TTC39C: variants seen among roughly 807,000 people sequenced by gnomAD.
TTC39C encodes the protein tetratricopeptide repeat domain 39C, also known as tetratricopeptide repeat protein 39C.
Under a neutral mutation model 76.3 loss-of-function variants are expected in TTC39C, and 33 were observed. That is an observed-to-expected ratio of 0.43 (90% CI 0.33 to 0.58). The LOEUF (loss-of-function observed/expected upper bound fraction) is 0.58, where lower values mean the gene tolerates loss of function less well. TTC39C is among the 20% of genes least tolerant of loss of function. TTC39C has a pLI of 0.04. For missense variants in TTC39C, 595 were observed against 701.4 expected, an observed-to-expected ratio of 0.85 and a Z score of 1.71; for synonymous variants, 254 against 260.6, an observed-to-expected ratio of 0.97 and a Z score of 0.24.
intron 3 of TTC39C, among the ~76,000 whole-genome samples, chr18:24,068,387 C>T (rs7233663): frequency 6.6e-6 from 1 of 152,148 alleles, no homozygotes; most frequent in African/African-American, 2.4e-5. Context: ...TCTGGCTTGT[C>T]TACTGTGTAT....
In TTC39C at chr18:24,113,113, G is replaced by A. The variant is rs560733657; in HGVS notation, c.985-1441G>A. Among the ~76,000 whole-genome samples the A allele has an allele frequency of 4.6e-5, 7 of 152,334 alleles. No homozygotes were observed. In the East Asian group the frequency reaches 5.8e-4, roughly 13 times the overall value. On this transcript the variant is annotated intron_variant, in intron 6 of 13. Coordinates refer to ENST00000317571, the MANE Select transcript of TTC39C (RefSeq NM_001135993.2). ...AACAGGAATCAGGGATGCGATTGGT[G>A]CGTGTCTTCTGTGGCTACCTGGTCA...
chr18:24,018,492 G>C (rs2083482148), intron 1 of TTC39C, among the ~76,000 whole-genome samples: 1 of 152,154 alleles, frequency 6.6e-6, no homozygotes, highest in South Asian at 2.1e-4. Context: ...AGGTGCCAAA[G>C]ACATGTGCTA....
At chr18:24,132,208 A>G (rs1242624475) in intron 13 of TTC39C, among the ~76,000 whole-genome samples, 2 of 152,264 alleles carry the variant, frequency 1.3e-5, no homozygotes, top group African/African-American at 4.8e-5. Context: ...AGAATTTCTA[A>G]TAGCAACTTA....
chr18:24,124,723 A>C (rs2085024960), intron 9 of TTC39C, among the ~76,000 whole-genome samples: 1 of 152,228 alleles, frequency 6.6e-6, no homozygotes, highest in Admixed American at 6.5e-5. Flanking sequence ...CACTCAGTAG[A>C]AAATTTTAAA....
intron 1 of TTC39C, among the ~76,000 whole-genome samples, chr18:24,052,266 C>T (rs1334282458): frequency 1.3e-5 from 2 of 152,160 alleles, no homozygotes; most frequent in Non-Finnish European, 2.9e-5. Flanking sequence ...AAGGGCTGTT[C>T]GGACTTTCTA....
chr18:24,080,150 T>C (rs2084359375), intron 4 of TTC39C, among the ~76,000 whole-genome samples: 1 of 152,146 alleles, frequency 6.6e-6, no homozygotes, highest in Non-Finnish European at 1.5e-5. Flanking sequence ...GAACTTGCTT[T>C]TGAGGAGGAA....
At chr18:24,118,328 A>G in intron 8 of TTC39C, 96 bp downstream of exon 8, 4 of 869,526 alleles carry the variant, frequency 4.6e-6, no homozygotes, top group Admixed American at 4.5e-5. Context: ...AGGAAGCAAA[A>G]GTTGTACCCC....
intron 1 of TTC39C, among the ~76,000 whole-genome samples, chr18:24,044,738 G>A (rs185629134): frequency 1.3e-5 from 2 of 152,326 alleles, no homozygotes; most frequent in African/African-American, 2.4e-5. Flanking sequence ...AACAGAGCAG[G>A]CCTTCAGCAA....
chr18:24,074,060 G>C (rs2084274018), intron 4 of TTC39C, among the ~76,000 whole-genome samples: 1 of 152,214 alleles, frequency 6.6e-6, no homozygotes, highest in Admixed American at 6.5e-5. Flanking sequence ...TGAATGAGAT[G>C]CACTTCATGC....
At chr18:24,065,125 T>C (rs1011439381) in intron 2 of TTC39C, among the ~76,000 whole-genome samples, 2 of 151,918 alleles carry the variant, frequency 1.3e-5, no homozygotes, top group Admixed American at 6.6e-5. Flanking sequence ...CACAGCAGGG[T>C]TGAGATTTCA....
At chr18:24,044,900 A>G (rs1638422536) in intron 1 of TTC39C, among the ~76,000 whole-genome samples, 1 of 152,210 alleles carries the variant, frequency 6.6e-6, no homozygotes, top group Non-Finnish European at 1.5e-5. Flanking sequence ...TGCTAACAGC[A>G]CCACTGAGAC....
At chr18:24,002,401 G>A (rs147155356) in intron 1 of TTC39C, among the ~76,000 whole-genome samples, 73 of 152,332 alleles carry the variant, frequency 4.8e-4, no homozygotes, top group Non-Finnish European at 9.4e-4. Flanking sequence ...GATCTCTAGT[G>A]ATGGTTACTT....
chr18:24,040,978 T>G (rs1457156301), intron 1 of TTC39C, among the ~76,000 whole-genome samples: 1 of 152,160 alleles, frequency 6.6e-6, no homozygotes, highest in African/African-American at 2.4e-5. Context: ...TAGTTTAAAA[T>G]GAAAGTGGCG....
chr18:24,055,340 A>G (rs1397452028), intron 1 of TTC39C, among the ~76,000 whole-genome samples: 1 of 152,178 alleles, frequency 6.6e-6, no homozygotes, highest in Non-Finnish European at 1.5e-5. Flanking sequence ...GCACCACCTT[A>G]TACTCCCACC....
In TTC39C at chr18:24,044,195, A is replaced by T. The variant is rs186819898; in HGVS notation, c.168-19945A>T. On this transcript the variant is annotated intron_variant, in intron 1 of 13. Coordinates refer to ENST00000317571, the MANE Select transcript of TTC39C (RefSeq NM_001135993.2). ...GTTACAGAGAGGACATCATGGAAAAAGTCAGACTCTTTCTAGGATTTGAAT... is the reference window on the plus strand; with the variant it reads ...GTTACAGAGAGGACATCATGGAAAATGTCAGACTCTTTCTAGGATTTGAAT... Among the ~76,000 whole-genome samples the T allele has an allele frequency of 1.6e-4, 24 of 152,174 alleles. No homozygotes were observed. In the East Asian group the frequency reaches 4.2e-3, roughly 27 times the overall value.
intron 6 of TTC39C, among the ~76,000 whole-genome samples, chr18:24,093,600 G>C (rs951308112): frequency 6.6e-6 from 1 of 152,060 alleles, no homozygotes; most frequent in Non-Finnish European, 1.5e-5. Context: ...AGATATACAG[G>C]CATACATCAG....
chr18:24,048,893 T>G (rs2083917272), intron 1 of TTC39C, among the ~76,000 whole-genome samples: 1 of 152,234 alleles, frequency 6.6e-6, no homozygotes, highest in Non-Finnish European at 1.5e-5. Context: ...ATATATTCTT[T>G]GAAACACTGT....
At chr18:24,091,093 C>T (rs368581868) in intron 6 of TTC39C, among the ~76,000 whole-genome samples, 7 of 152,260 alleles carry the variant, frequency 4.6e-5, no homozygotes, top group African/African-American at 1.4e-4. Flanking sequence ...AGGCGTAAGC[C>T]GCCACGCCCG....
At chr18:24,036,745 C>T (rs905676812) in intron 1 of TTC39C, among the ~76,000 whole-genome samples, 20 of 152,188 alleles carry the variant, frequency 1.3e-4, no homozygotes, top group African/African-American at 4.8e-4. Context: ...GATTGTCCCA[C>T]CTCAGCCTCC....
Sources: allele counts gnomAD v4.1 joint callset (sites outside exome capture counted in the v4.1 genomes callset), GRCh38; gene constraint gnomAD v4.1.1; transcripts MANE v1.5; gene names NCBI Gene and HGNC (gene_info 2026-07-23, HGNC 2026-07-21).